Variants in RAPGEF4 observed in about 807,000 individuals in gnomAD.
RAPGEF4 encodes the protein Rap guanine nucleotide exchange factor 4, also known as RAP guanine-nucleotide-exchange factor (GEF) 4.
A neutral mutation model predicts 147.9 loss-of-function variants in RAPGEF4; 66 were observed. The ratio of observed to expected loss-of-function variants is 0.45; its 90% CI spans 0.37 to 0.55. The LOEUF (loss-of-function observed/expected upper bound fraction) is 0.55. RAPGEF4 is among the 20% of genes least tolerant of loss of function. RAPGEF4 has a pLI of 0.00. For synonymous variants in RAPGEF4, 419 were observed against 442.7 expected (o/e 0.95, Z 0.67); for missense variants, 1,071 against 1,257.3 (o/e 0.85, Z 2.24).
At chr2:172,847,447 C>T (rs1485340436) in intron 4 of RAPGEF4, among the ~76,000 whole-genome samples, 1 of 152,202 alleles carries the variant, frequency 6.6e-6, no homozygotes, top group Non-Finnish European at 1.5e-5. Flanking sequence ...CCTGCCACCA[C>T]CTGGCTCATG....
chr2:172,821,703 G>T, intron 4 of RAPGEF4: 1 of 1,030,010 alleles, frequency 9.7e-7, no homozygotes, highest in East Asian at 6.1e-5. Flanking sequence ...ATCCAGAAAG[G>T]AAGGGAGTGA....
intron 25 of RAPGEF4, among the ~76,000 whole-genome samples, chr2:173,029,026 AG>A (rs1466434135): frequency 6.6e-6 from 1 of 152,212 alleles, no homozygotes; most frequent in African/African-American, 2.4e-5. Flanking sequence ...TAAAGGACAG[AG>A]GCAAACACAT....
intron 29 of RAPGEF4, among the ~76,000 whole-genome samples, chr2:173,039,490 A>G (rs933311214): frequency 6.6e-6 from 1 of 151,754 alleles, no homozygotes; most frequent in Admixed American, 6.6e-5. Flanking sequence ...TCAAGCAGGT[A>G]TGGTAGACCT....
At position 173,041,331 on chromosome 2, in the gene RAPGEF4, A is replaced by G. The variant is rs190090690; in HGVS notation, c.2853+4639A>G. On this transcript the variant is annotated intron_variant, in intron 29 of 30. Transcript: ENST00000397081. ...CTATTCCCAGAGCTCTCCAACACAA[A>G]AGAAATCTATGGGAGTACTTTGAGA... Among the ~76,000 whole-genome samples, 384 of 152,272 alleles carry G rather than the reference A, an allele frequency of 2.5e-3. 2 individuals are homozygous for G. The highest frequency in any genetic ancestry group is 3.8e-3 in the Non-Finnish European group (261 of 68,014).
chr2:172,869,735 T>A (rs1432231642), intron 4 of RAPGEF4, among the ~76,000 whole-genome samples: 2 of 152,204 alleles, frequency 1.3e-5, no homozygotes, highest in African/African-American at 4.8e-5. Flanking sequence ...ATATTTCTGT[T>A]ATTGAATGTG....
chr2:172,947,236 A>G (rs527313131), intron 6 of RAPGEF4, among the ~76,000 whole-genome samples: 1 of 152,342 alleles, frequency 6.6e-6, no homozygotes, highest in Non-Finnish European at 1.5e-5. Context: ...CTAGGAAAAT[A>G]TATGCTTTGG....
At chr2:172,758,348 A>G (rs1050381115) in intron 1 of RAPGEF4, among the ~76,000 whole-genome samples, 3 of 152,190 alleles carry the variant, frequency 2.0e-5, no homozygotes, top group African/African-American at 7.2e-5. Flanking sequence ...CAGCTGTTAT[A>G]AAGATCTTGG....
At chr2:173,044,591 C>T (rs1178711424) in intron 29 of RAPGEF4, among the ~76,000 whole-genome samples, 1 of 152,154 alleles carries the variant, frequency 6.6e-6, no homozygotes, top group Non-Finnish European at 1.5e-5. Context: ...TCAGTTGGGC[C>T]CATCTCTAAG....
In RAPGEF4 at chr2:172,763,476, A is replaced by G. The variant is rs115911681; in HGVS notation, c.65+27428A>G. Among the ~76,000 whole-genome samples, 775 of 152,286 alleles carry G rather than the reference A, an allele frequency of 5.1e-3. 7 individuals are homozygous for G. Among genetic ancestry groups the G allele is most frequent in the African/African-American group, 0.017 (708 of 41,546 alleles). On this transcript the variant is annotated intron_variant, in intron 1 of 30. Coordinates refer to ENST00000397081, the MANE Select transcript of RAPGEF4 (RefSeq NM_007023.4). ...ATCAGATCAGACTTTGAGAACATAC[A>G]CAGGGGAGATCAGATCAGATTTCCC...
intron 23 of RAPGEF4, among the ~76,000 whole-genome samples, chr2:173,024,978 C>T (rs1392828554): frequency 6.6e-6 from 1 of 152,230 alleles, no homozygotes; most frequent in Non-Finnish European, 1.5e-5. Context: ...TTGCTATTCT[C>T]ACCTGCCCAA....
chr2:172,947,377 G>A (rs1687779450), intron 6 of RAPGEF4, among the ~76,000 whole-genome samples: 1 of 152,138 alleles, frequency 6.6e-6, no homozygotes, highest in Non-Finnish European at 1.5e-5. Context: ...TTACGTAGTA[G>A]TAGATAGTTG....
chr2:172,791,365 G>A (rs565631538), intron 1 of RAPGEF4, among the ~76,000 whole-genome samples: 2 of 152,276 alleles, frequency 1.3e-5, no homozygotes, highest in African/African-American at 4.8e-5. Context: ...TACATGCAAG[G>A]ACTTTTTGTA....
chr2:172,864,475 G>A (rs1694400727), intron 4 of RAPGEF4, among the ~76,000 whole-genome samples: 1 of 152,172 alleles, frequency 6.6e-6, no homozygotes, highest in Non-Finnish European at 1.5e-5. Flanking sequence ...GTAGACCTGA[G>A]GAACCTCCAG....
At chr2:172,896,844 C>T (rs1437505873) in intron 4 of RAPGEF4, among the ~76,000 whole-genome samples, 1 of 152,148 alleles carries the variant, frequency 6.6e-6, no homozygotes, top group East Asian at 1.9e-4. Context: ...TGCTTGGTTT[C>T]TCCTTTTGTT....
chr2:172,772,313 A>G (rs1474437273), intron 1 of RAPGEF4, among the ~76,000 whole-genome samples: 2 of 142,352 alleles, frequency 1.4e-5, no homozygotes, highest in African/African-American at 3.0e-5. Context: ...TGTTTTTTAT[A>G]TTATTTTATT....
chr2:172,822,001 T>C, intron 4 of RAPGEF4: 1 of 1,611,804 alleles, frequency 6.2e-7, no homozygotes, highest in Middle Eastern at 1.7e-4. Flanking sequence ...TTTTATTTTT[T>C]AGTGAAGGGT....
intron 4 of RAPGEF4, among the ~76,000 whole-genome samples, chr2:172,853,054 T>C (rs1248117854): frequency 1.3e-5 from 2 of 152,072 alleles, no homozygotes; most frequent in African/African-American, 4.8e-5. Flanking sequence ...TTTGCTGATA[T>C]TTGCTGTAAT....
Position 172,794,236 on chromosome 2 carries a change from G to T in RAPGEF4, c.66-789G>T, listed in dbSNP as rs552891993. Among the ~76,000 whole-genome samples the T allele has an allele frequency of 2.6e-5, 4 of 151,500 alleles. No individual in the cohort carries two copies. The South Asian group carries it at 8.4e-4, about 32-fold the overall frequency. On this transcript the variant is annotated intron_variant, in intron 1 of 30. Transcript: ENST00000397081. Reference sequence around the variant, plus strand: ...CTACTAAAAATACAAAAAATTAGTTGGATGTAGTAGCGGGCGGCTGTATTC... The same window carrying T: ...CTACTAAAAATACAAAAAATTAGTTTGATGTAGTAGCGGGCGGCTGTATTC...
intron 1 of RAPGEF4, among the ~76,000 whole-genome samples, chr2:172,746,025 A>G (rs1365101899): frequency 6.6e-6 from 1 of 152,220 alleles, no homozygotes; most frequent in Non-Finnish European, 1.5e-5. Flanking sequence ...TTAGAAATAG[A>G]TGGATTGTGT....
Sources: allele counts gnomAD v4.1 joint callset (sites outside exome capture counted in the v4.1 genomes callset), GRCh38; gene constraint gnomAD v4.1.1; transcripts MANE v1.5; gene names NCBI Gene and HGNC (gene_info 2026-07-23, HGNC 2026-07-21).